Variants in NRAP observed in about 807,000 individuals in gnomAD.
The protein encoded by NRAP is nebulin-related-anchoring protein.
A neutral mutation model predicts 225.9 loss-of-function variants in NRAP; 189 were observed. That is an observed-to-expected ratio of 0.84 (90% CI 0.74 to 0.94). NRAP has a LOEUF of 0.94. NRAP is among the 40% of genes least tolerant of loss of function. NRAP has a pLI of 0.00. For missense variants in NRAP, 2,176 were observed against 2,168.7 expected (o/e 1.00, Z -0.07); for synonymous variants, 769 against 790.7 (o/e 0.97, Z 0.46).
At chr10:113,633,272 C>G (rs1848676415) in intron 15 of NRAP, 84 bp from the exon 16 acceptor site, 1 of 766,070 alleles carries the variant, frequency 1.3e-6, no homozygotes, top group South Asian at 1.5e-5. Flanking sequence ...CCCCCTTAGA[C>G]CCATAGTTGA....
At chr10:113,597,281 C>T (rs974586174) in intron 36 of NRAP, 97 bp from the exon 37 acceptor site, 1 of 767,454 alleles carries the variant, frequency 1.3e-6, no homozygotes, top group African/African-American at 1.7e-5. Flanking sequence ...CCTAACATGC[C>T]AATCATATTG....
At chr10:113,600,960 C>T (rs1846561444) in intron 35 of NRAP, among the ~76,000 whole-genome samples, 1 of 152,154 alleles carries the variant, frequency 6.6e-6, no homozygotes. Flanking sequence ...AGGAGTCTAC[C>T]TTAGGTCACA....
At position 113,640,270 on chromosome 10, in the gene NRAP, G is replaced by A. The variant is rs41292630; in HGVS notation, c.1385C>T (p.Thr462Met). Residue 462 changes from threonine (T) to methionine (M), a missense_variant, in exon 14 of 42, where the codon ACG (threonine) becomes ATG (methionine). This residue lies in a region of NRAP where 1,708 missense variants were observed against 1,695.5 expected (regional missense o/e 1.01). Transcript: ENST00000359988. ...IVDYNYPATL[T>M]PSYQTAMKLV... is the part of the protein sequence containing the mutation. ...TTTCATAGCTGTTTGATAGGAAGGC[G>A]TGAGAGTGGCTGGGTAGTTGTAGTC... 7.2e-5 allele frequency: 115 copies of A among 1,605,236 alleles called. No homozygotes were observed. Among genetic ancestry groups the A allele is most frequent in the South Asian group, 1.8e-4 (16 of 90,406 alleles).
At chr10:113,611,516 G>T (rs1245686524) in intron 30 of NRAP, among the ~76,000 whole-genome samples, 2 of 152,228 alleles carry the variant, frequency 1.3e-5, no homozygotes, top group Non-Finnish European at 2.9e-5. Flanking sequence ...CTCCTTGGGA[G>T]TGAGGAAGTC....
intron 9 of NRAP, among the ~76,000 whole-genome samples, chr10:113,648,467 C>CTCTCTCTATATATATA (rs749486311): frequency 2.2e-3 from 194 of 87,342 alleles, no homozygotes; most frequent in Non-Finnish European, 3.5e-3. Context: ...CTCTCTCTCT[C>CTCTCTCTATATATATA]TATATATATA....
chr10:113,640,203 A>T, intron 14 of NRAP, 24 bp downstream of exon 14: 1 of 1,370,946 alleles, frequency 7.3e-7, no homozygotes, highest in Non-Finnish European at 1.0e-6. Flanking sequence ...ACAAAGCAGA[A>T]AGAGCTGTTG....
At chr10:113,623,352 AATAG>A (rs540634725) in intron 23 of NRAP, among the ~76,000 whole-genome samples, 173 bp downstream of exon 23, 17 of 152,236 alleles carry the variant, frequency 1.1e-4, no homozygotes, top group Non-Finnish European at 2.1e-4. Context: ...GCAGTTATTA[AATAG>A]ATAGGCACAG....
In NRAP at chr10:113,612,450, C is replaced by T; in HGVS notation, c.3301-19G>A. On this transcript the variant is annotated intron_variant, in intron 29 of 41. Coordinates refer to ENST00000359988, the MANE Select transcript of NRAP (RefSeq NM_198060.4). ...AATTCACCTAGAGGGGCAGACAGAG[C>T]AACAGCAGCTATTTCAAAGCCACTA... 5 of 1,605,266 alleles carry T rather than the reference C, an allele frequency of 3.1e-6. No individual in the cohort carries two copies. Among genetic ancestry groups the T allele is most frequent in the Non-Finnish European group, 4.3e-6 (5 of 1,172,650 alleles).
intron 14 of NRAP, among the ~76,000 whole-genome samples, chr10:113,637,847 G>A (rs966800351): frequency 5.3e-5 from 8 of 151,882 alleles, no homozygotes; most frequent in African/African-American, 1.9e-4. Flanking sequence ...GCTTGAACCC[G>A]GGAGGCAGAG....
chr10:113,618,013 G>C (rs182180238), intron 25 of NRAP, among the ~76,000 whole-genome samples: 173 of 152,156 alleles, frequency 1.1e-3, no homozygotes, highest in African/African-American at 4.0e-3. Context: ...TCAGCAGCCC[G>C]CGAGCGTATG....
intron 26 of NRAP, among the ~76,000 whole-genome samples, chr10:113,616,370 A>G (rs931992341): frequency 1.3e-5 from 2 of 152,222 alleles, no homozygotes; most frequent in African/African-American, 4.8e-5. Context: ...GCCACCAGAG[A>G]AAGTTTCCAA....
Position 113,651,841 on chromosome 10 carries a change from G to A in NRAP, c.637C>T (p.Leu213=), listed in dbSNP as rs772938565. Residue 213 remains leucine, a synonymous_variant, in exon 7 of 42, where the codon CTG becomes TTG. Transcript: ENST00000359988. ...TGTGCCCCAGCCTTGCTCCGTAGCA[G>A]CTCAGGAGTATCCACCACCGTGGAG... The part of the protein sequence containing the change: ...RFSTVVDTPE[L]LRSKAGAQLQ... 2 of 1,613,270 alleles carry A rather than the reference G, an allele frequency of 1.2e-6. No individual in the cohort carries two copies. Among genetic ancestry groups the A allele is most frequent in the Non-Finnish European group, 1.7e-6 (2 of 1,179,320 alleles).
intron 3 of NRAP, among the ~76,000 whole-genome samples, chr10:113,660,058 AC>A (rs1850563740): frequency 1.3e-5 from 2 of 149,262 alleles, no homozygotes; most frequent in South Asian, 4.3e-4. Context: ...GACAACACAC[AC>A]ACACACACAC....
chr10:113,597,372 C>T (rs1199361245), intron 36 of NRAP, among the ~76,000 whole-genome samples, 188 bp from the exon 37 acceptor site: 2 of 151,896 alleles, frequency 1.3e-5, no homozygotes, highest in East Asian at 1.9e-4. Flanking sequence ...TGATATGGAA[C>T]ATTTTACAGG....
In NRAP at chr10:113,614,174, C is replaced by A. The variant is rs1250105162; in HGVS notation, c.3300+9G>T. 1 of 1,584,886 alleles carries A rather than the reference C, an allele frequency of 6.3e-7. No individual in the cohort carries two copies. The highest frequency in any genetic ancestry group is 1.1e-5 in the South Asian group (1 of 90,538). ...CCCTGCAGCCGCTGATGCCTCTCCCCCCACTTACATCACTCTGCAGTGAGG... is the reference window on the plus strand; with the variant it reads ...CCCTGCAGCCGCTGATGCCTCTCCCACCACTTACATCACTCTGCAGTGAGG... On this transcript the variant is annotated intron_variant, in intron 29 of 41. Transcript: ENST00000359988.
rs147906605 is a variant in NRAP at position 113,640,325 on chromosome 10, A to T, written c.1330T>A (p.Tyr444Asn). The stretch of plus-strand genomic sequence containing the variant: ...ATATCATGTTTATAATCAGCTTTGT[A>T]GGCAACCTAAAACAGGAAGAAAAGA... ...KVGSLASNVA[Y>N]KADYKHDIVD... Residue 444 changes from tyrosine to asparagine, a missense_variant, in exon 14 of 42, where the codon TAC becomes AAC. Around this residue, in one of 3 missense-constraint regions of NRAP, gnomAD observed 1,708 missense variants for 1,695.5 expected, o/e 1.01. Transcript: ENST00000359988. 29 of 1,567,866 alleles carry T rather than the reference A, an allele frequency of 1.8e-5. No individual in the cohort carries two copies. The highest frequency in any genetic ancestry group is 2.5e-5 in the Non-Finnish European group (29 of 1,152,174).
chr10:113,620,266 CCAA>C (rs1269870630), intron 25 of NRAP, among the ~76,000 whole-genome samples: 6 of 152,182 alleles, frequency 3.9e-5, no homozygotes, highest in African/African-American at 1.4e-4. Context: ...CCTAAAGTCA[CCAA>C]AGAGCTTTTT....
In NRAP at chr10:113,634,142, T is replaced by C; in HGVS notation, c.1497A>G (p.Gln499=). The C allele has an allele frequency of 6.2e-7, 1 of 1,613,942 alleles. No individual in the cohort carries two copies. The highest frequency in any genetic ancestry group is 8.5e-7 in the Non-Finnish European group (1 of 1,179,816). ...TCAGCTGCTGGGCATTGATTTTGGCTTGAACAATCTGTGGGGTGTCAGTCA... is the reference window on the plus strand; with the variant it reads ...TCAGCTGCTGGGCATTGATTTTGGCCTGAACAATCTGTGGGGTGTCAGTCA... ...SSVTDTPQIV[Q]AKINAQQLSH... Residue 499 remains glutamine (Q), a synonymous_variant, in exon 15 of 42, where the codon CAA becomes CAG. Coordinates refer to ENST00000359988, the MANE Select transcript of NRAP (RefSeq NM_198060.4).
chr10:113,611,082 G>A (rs1296938687), intron 30 of NRAP, among the ~76,000 whole-genome samples: 1 of 152,210 alleles, frequency 6.6e-6, no homozygotes, highest in East Asian at 1.9e-4. Flanking sequence ...CGGGCTGACA[G>A]TTTAAAGAGT....
Sources: gnomAD v4.1 joint callset for allele counts (sites outside exome capture counted in the v4.1 genomes callset) on GRCh38, gnomAD v4.1.1 for gene constraint, gnomAD v4.1.1 regional missense constraint, MANE v1.5 for transcripts, NCBI Gene and HGNC (gene_info 2026-07-23, HGNC 2026-07-21) for gene names.